SOCS4: variants seen among roughly 807,000 people sequenced by gnomAD.
The protein encoded by SOCS4 is SH2 domain containing SOCS box protein.
SOCS4 carries 20 observed loss-of-function variants against 34.1 expected under a neutral mutation model. The ratio of observed to expected loss-of-function variants is 0.59; its 90% confidence interval spans 0.41 to 0.85. The LOEUF is 0.85. Ranked by LOEUF, SOCS4 falls within the 40% of genes least tolerant of loss-of-function variation. The probability of loss-of-function intolerance (pLI) is 0.00; values close to 1 mark genes in which losing one functional copy is unlikely to be tolerated. For synonymous variants in SOCS4, 180 were observed against 186.4 expected (o/e 0.97, Z 0.28); for missense variants, 479 against 532.4 (o/e 0.90, Z 0.99).
In SOCS4 at chr14:55,046,978, A is replaced by G. The variant is rs1756763240; in HGVS notation, c.*2614A>G. ...AAACAATATATTGATTGCACTATAT[A>G]AATGAGTAAATTTTGAGAGGAACAA... On this transcript the variant is annotated 3_prime_UTR_variant, in exon 3 of 3. Coordinates refer to ENST00000555846, the MANE Select transcript of SOCS4 (RefSeq NM_199421.2). 6.0e-6 allele frequency: 1 copy of G among 167,088 alleles called. No homozygotes were observed. Among genetic ancestry groups the G allele is most frequent in the African/African-American group, 2.4e-5 (1 of 41,470 alleles). 10.4% of individuals were successfully genotyped at this position (167,088 alleles called of 1,614,324 possible). A position where few individuals can be genotyped will look rare whatever the true frequency, so the allele number is the denominator to read the frequency against.
chr14:55,039,932 C>T lies in SOCS4; in HGVS notation c.-90-3020C>T, dbSNP rs573627712. ...AGAAAAAAAGAACACAGCTAGAGAG[C>T]TTAGCTCTCATATGGAAGTGAAGGA... On this transcript the variant is annotated intron_variant, in intron 2 of 2. Coordinates refer to ENST00000555846, the MANE Select transcript of SOCS4 (RefSeq NM_199421.2). 7.2e-5 allele frequency among the ~76,000 whole-genome samples: 11 copies of T among 152,200 alleles called. 1 individual carries two copies. Among genetic ancestry groups the T allele is most frequent in the African/African-American group, 2.4e-4 (10 of 41,516 alleles).
intron 2 of SOCS4, among the ~76,000 whole-genome samples, chr14:55,035,295 TTGAC>T (rs1425287021): frequency 1.3e-5 from 2 of 152,126 alleles, no homozygotes; most frequent in Non-Finnish European, 2.9e-5. Context: ...ACACACTTGA[TTGAC>T]TGGTACCTGT....
chr14:55,030,117 C>T (rs1002718900), intron 1 of SOCS4, among the ~76,000 whole-genome samples: 5 of 151,956 alleles, frequency 3.3e-5, no homozygotes, highest in Admixed American at 2.0e-4. Context: ...GGTAGTCTAC[C>T]GCACTGATTC....
At chr14:55,028,707 A>T (rs563506884) in intron 1 of SOCS4, among the ~76,000 whole-genome samples, 1 of 152,226 alleles carries the variant, frequency 6.6e-6, no homozygotes. Context: ...TTCTCTTATC[A>T]ATCAAGCCAT....
At chr14:55,040,661 A>G (rs1354850186) in intron 2 of SOCS4, among the ~76,000 whole-genome samples, 1 of 151,842 alleles carries the variant, frequency 6.6e-6, no homozygotes, top group Non-Finnish European at 1.5e-5. Flanking sequence ...GGAGAATGGC[A>G]TGTACCCGGG....
At chr14:55,030,466 T>G (rs766360995) in intron 1 of SOCS4, among the ~76,000 whole-genome samples, 6 of 152,240 alleles carry the variant, frequency 3.9e-5, no homozygotes, top group Non-Finnish European at 7.4e-5. Flanking sequence ...TGAGGCACGT[T>G]TTTGTGCAGA....
At position 55,044,865 on chromosome 14, in the gene SOCS4, A is replaced by G. The variant is rs2042660506; in HGVS notation, c.*501A>G. The G allele has an allele frequency of 6.0e-6, 1 of 167,094 alleles. No individual in the cohort carries two copies. The highest frequency in any genetic ancestry group is 2.1e-4 in the South Asian group (1 of 4,832). The allele number at this position is 167,094 out of a possible 1,614,324, so 10.4% of individuals were successfully genotyped here. On this transcript the variant is annotated 3_prime_UTR_variant, in exon 3 of 3. Coordinates refer to ENST00000555846, the MANE Select transcript of SOCS4 (RefSeq NM_199421.2). ...GTTTGATATTCTTCAGTAAAGCTGAATGTTGTAATTCACCATTCATACTAA... is the reference window on the plus strand; with the variant it reads ...GTTTGATATTCTTCAGTAAAGCTGAGTGTTGTAATTCACCATTCATACTAA...
At position 55,043,737 on chromosome 14, in the gene SOCS4, T is replaced by C; in HGVS notation, c.696T>C (p.Asp232=). Residue 232 remains aspartate, a synonymous_variant, in exon 3 of 3, where the codon GAT becomes GAC. Transcript: ENST00000555846. ...SIEDSDMDSD[D]EILTLCTSSR... Reference sequence around the variant, plus strand: ...AAGATAGTGATATGGATTCCGATGATGAAATTCTAACACTTTGCACAAGTT... The same window carrying C: ...AAGATAGTGATATGGATTCCGATGACGAAATTCTAACACTTTGCACAAGTT... 2 of 1,614,154 alleles carry C rather than the reference T, an allele frequency of 1.2e-6. No homozygotes were observed. Among genetic ancestry groups the C allele is most frequent in the Non-Finnish European group, 1.7e-6 (2 of 1,180,014 alleles).
At chr14:55,032,496 T>C (rs1470355470) in intron 2 of SOCS4, among the ~76,000 whole-genome samples, 1 of 152,196 alleles carries the variant, frequency 6.6e-6, no homozygotes, top group Non-Finnish European at 1.5e-5. Context: ...AACTTGCTTT[T>C]TAAACATTTG....
In SOCS4 at chr14:55,042,959, C is replaced by A; in HGVS notation, c.-83C>A. 1 of 1,301,062 alleles carries A rather than the reference C, an allele frequency of 7.7e-7. No individual in the cohort carries two copies. The highest frequency in any genetic ancestry group is 1.1e-6 in the Non-Finnish European group (1 of 946,206). The allele number at this position is 1,301,062 out of a possible 1,614,324, so 80.6% of individuals were successfully genotyped here. A position where few individuals can be genotyped will look rare whatever the true frequency, so the allele number is the denominator to read the frequency against. ...TTTTTTTGTTTTCTTTAGATACATCCAGAAAGTGCCCAGAAGAAACTTCCT... is the reference window on the plus strand; with the variant it reads ...TTTTTTTGTTTTCTTTAGATACATCAAGAAAGTGCCCAGAAGAAACTTCCT... On this transcript the variant is annotated 5_prime_UTR_variant, in exon 3 of 3. Transcript: ENST00000555846.
At chr14:55,027,670 A>T (rs1211695146) in intron 1 of SOCS4, 199 bp downstream of exon 1, 1 of 152,258 alleles carries the variant, frequency 6.6e-6, no homozygotes, top group African/African-American at 2.4e-5. Flanking sequence ...TAATCTTGGC[A>T]TCCTTCGTGC....
chr14:55,040,945 G>T (rs1173915190), intron 2 of SOCS4, among the ~76,000 whole-genome samples: 5 of 149,632 alleles, frequency 3.3e-5, no homozygotes, highest in Non-Finnish European at 7.4e-5. Flanking sequence ...AGACTGGAGT[G>T]CAGTGACACG....
Position 55,043,404 on chromosome 14 carries a change from A to G in SOCS4, c.363A>G (p.Lys121=), listed in dbSNP as rs770161935. The G allele has an allele frequency of 3.1e-6, 5 of 1,614,178 alleles. No homozygotes were observed. The highest frequency in any genetic ancestry group is 4.2e-6 in the Non-Finnish European group (5 of 1,180,022). The change falls in exon 3 of 3, where the codon AAA becomes AAG. Residue 121 remains lysine (K), a synonymous_variant. Coordinates refer to ENST00000555846, the MANE Select transcript of SOCS4 (RefSeq NM_199421.2). ...RHSSGLPSKR[K]IHISELMLDK... ...CTTCAGGGCTTCCGTCTAAAAGGAA[A>G]ATTCATATCAGTGAACTCATGTTAG...
In SOCS4 at chr14:55,043,239, A is replaced by T; in HGVS notation, c.198A>T (p.Glu66Asp). Residue 66 changes from glutamate to aspartate, a missense_variant, in exon 3 of 3, where the codon GAA becomes GAT. Physicochemically the swap from Glu to Asp is conservative, Grantham distance 45. Transcript: ENST00000555846. ...EKTEVSLRNQ[E>D]RKHSCSSIEL... ...CCGAAGTGTCTTTAAGGAACCAAGA[A>T]AGGAAGCACAGCTGTTCATCCATTG... The T allele has an allele frequency of 6.2e-7, 1 of 1,614,222 alleles. No homozygotes were observed.
At chr14:55,028,688 T>G (rs565983851) in intron 1 of SOCS4, among the ~76,000 whole-genome samples, 11 of 152,210 alleles carry the variant, frequency 7.2e-5, no homozygotes, top group Non-Finnish European at 1.3e-4. Flanking sequence ...TGTCCACACA[T>G]CTGTCATTTT....
intron 1 of SOCS4, among the ~76,000 whole-genome samples, chr14:55,029,758 T>C (rs969932552): frequency 6.6e-6 from 1 of 152,130 alleles, no homozygotes; most frequent in Non-Finnish European, 1.5e-5. Context: ...ACTTTAGAAA[T>C]GTGAAGATTT....
intron 2 of SOCS4, among the ~76,000 whole-genome samples, chr14:55,038,640 T>A (rs1458321414): frequency 6.6e-6 from 1 of 152,192 alleles, no homozygotes; most frequent in Admixed American, 6.5e-5. Flanking sequence ...CTCTGCTGTG[T>A]CTGGTATTTA....
intron 1 of SOCS4, among the ~76,000 whole-genome samples, chr14:55,031,346 C>T (rs1003544849): frequency 6.6e-6 from 1 of 152,114 alleles, no homozygotes; most frequent in Non-Finnish European, 1.5e-5. Flanking sequence ...CAGATTAGCC[C>T]ATTAATGTTT....
chr14:55,032,328 T>C (rs1185233769), intron 2 of SOCS4, among the ~76,000 whole-genome samples: 1 of 152,234 alleles, frequency 6.6e-6, no homozygotes, highest in Non-Finnish European at 1.5e-5. Flanking sequence ...CTTCTCAGCC[T>C]TAGTCAGTAT....
Sources: gnomAD v4.1 joint callset for allele counts (sites outside exome capture counted in the v4.1 genomes callset) on GRCh38, gnomAD v4.1.1 for gene constraint, MANE v1.5 for transcripts, NCBI Gene and HGNC (gene_info 2026-07-23, HGNC 2026-07-21) for gene names.